SORCS3: variants seen among roughly 807,000 people sequenced by gnomAD.
SORCS3 encodes VPS10 domain-containing receptor SorCS3.
Under a neutral mutation model 146.3 loss-of-function variants are expected in SORCS3, and 57 were observed. The observed-to-expected ratio is 0.39, with a 90% confidence interval of 0.31 to 0.49. The LOEUF (loss-of-function observed/expected upper bound fraction) is 0.49. Ranked by LOEUF, SORCS3 falls within the 20% of genes least tolerant of loss-of-function variation. The probability of loss-of-function intolerance (pLI) is 0.92; values close to 1 mark genes in which losing one functional copy is unlikely to be tolerated. For synonymous variants in SORCS3, 653 were observed against 618.5 expected (o/e 1.06, Z -0.83); for missense variants, 1,341 against 1,575.5 (o/e 0.85, Z 2.52).
intron 2 of SORCS3, among the ~76,000 whole-genome samples, chr10:104,856,596 A>ATATGTATATT (rs1213588999): frequency 8.7e-5 from 2 of 23,010 alleles, no homozygotes; most frequent in Admixed American, 7.2e-4. Flanking sequence ...AAATATATAC[A>ATATGTATATT]TATAAATGTA....
intron 4 of SORCS3, among the ~76,000 whole-genome samples, chr10:105,041,810 T>C (rs1463828994): frequency 6.6e-6 from 1 of 152,144 alleles, no homozygotes; most frequent in Non-Finnish European, 1.5e-5. Context: ...CACAGGAATA[T>C]ACTTCATGTG....
At chr10:105,176,791 G>T (rs1421894979) in intron 13 of SORCS3, among the ~76,000 whole-genome samples, 1 of 152,006 alleles carries the variant, frequency 6.6e-6, no homozygotes. Flanking sequence ...GGAGGCGGAG[G>T]TTGCAGTGAG....
At position 105,262,450 on chromosome 10, in the gene SORCS3, C is replaced by T. The variant is rs1463577482; in HGVS notation, c.3563C>T (p.Pro1188Leu). The change falls in exon 26 of 27, where the codon CCT becomes CTT. Residue 1188 changes from proline (P) to leucine (L), a missense_variant. Physicochemically the swap from Pro to Leu is moderately conservative, Grantham distance 98 (BLOSUM62 -3). Coordinates refer to ENST00000369701, the MANE Select transcript of SORCS3 (RefSeq NM_014978.3). ...PKITLSDFTE[P>L]EELLDKELDT... ...ATCACACTCAGTGACTTTACGGAGC[C>T]TGAGGAGCTGCTGGACAAAGAGCTG... 1.9e-6 allele frequency: 3 copies of T among 1,613,924 alleles called. No homozygotes were observed. The highest frequency in any genetic ancestry group is 2.2e-5 in the South Asian group (2 of 91,076).
intron 1 of SORCS3, among the ~76,000 whole-genome samples, chr10:104,793,501 G>A (rs1160096127): frequency 6.6e-6 from 1 of 152,122 alleles, no homozygotes; most frequent in Non-Finnish European, 1.5e-5. Context: ...TGAGGTCTGT[G>A]GTATTACAAT....
chr10:104,990,084 C>G (rs2054984534), intron 4 of SORCS3, among the ~76,000 whole-genome samples: 1 of 152,190 alleles, frequency 6.6e-6, no homozygotes, highest in Non-Finnish European at 1.5e-5. Flanking sequence ...AGGGCTTTCT[C>G]TGAGGCCTCT....
rs556379789 is a variant in SORCS3 at position 105,239,522 on chromosome 10, T to C, written c.2869-6020T>C. On this transcript the variant is annotated intron_variant, in intron 20 of 26. Coordinates refer to ENST00000369701, the MANE Select transcript of SORCS3 (RefSeq NM_014978.3). ...ATAGTCACACAGAGCTTTGTCGATT[T>C]CTTGCTGGGCTCAGTGGATAATATG... Among the ~76,000 whole-genome samples, 5 of 152,336 alleles carry C rather than the reference T, an allele frequency of 3.3e-5. No individual in the cohort carries two copies. In the East Asian group the frequency reaches 9.6e-4, roughly 29 times the overall value.
intron 14 of SORCS3, among the ~76,000 whole-genome samples, chr10:105,199,541 A>ACATATACTT (rs1046619512): frequency 6.6e-6 from 1 of 152,148 alleles, no homozygotes; most frequent in Non-Finnish European, 1.5e-5. Flanking sequence ...CTACCCCAAC[A>ACATATACTT]CATATACTTA....
chr10:105,029,088 A>G (rs35478707), intron 4 of SORCS3, among the ~76,000 whole-genome samples: 22,440 of 152,150 alleles, frequency 0.15, 1,833 homozygotes, highest in Middle Eastern at 0.2. Flanking sequence ...AAGGCTACTC[A>G]ACCCTGCCTC....
intron 2 of SORCS3, among the ~76,000 whole-genome samples, chr10:104,880,728 C>T (rs1422863602): frequency 6.6e-6 from 1 of 152,144 alleles, no homozygotes; most frequent in East Asian, 1.9e-4. Context: ...ATTAGAAACC[C>T]TGCTTTCCCT....
chr10:104,825,685 A>G (rs1413560544), intron 1 of SORCS3, among the ~76,000 whole-genome samples: 1 of 152,152 alleles, frequency 6.6e-6, no homozygotes, highest in African/African-American at 2.4e-5. Context: ...GTGAGATGTT[A>G]TTATGGGATA....
intron 3 of SORCS3, among the ~76,000 whole-genome samples, chr10:104,925,656 A>G (rs139296522): frequency 2.6e-5 from 4 of 152,186 alleles, no homozygotes; most frequent in Non-Finnish European, 4.4e-5. Flanking sequence ...CTTGAATGTT[A>G]TTATTGAAGG....
chr10:104,693,767 C>A, intron 1 of SORCS3, among the ~76,000 whole-genome samples: 1 of 152,046 alleles, frequency 6.6e-6, no homozygotes, highest in East Asian at 1.9e-4. Flanking sequence ...TGCTGTCAGT[C>A]CCTAGGTTGG....
At chr10:105,182,025 T>C (rs2056445471) in intron 14 of SORCS3, among the ~76,000 whole-genome samples, 1 of 152,096 alleles carries the variant, frequency 6.6e-6, no homozygotes, top group Admixed American at 6.6e-5. Flanking sequence ...CAATTGGCTA[T>C]GATTTAGCTA....
At chr10:104,717,895 C>T (rs1476613407) in intron 1 of SORCS3, among the ~76,000 whole-genome samples, 2 of 151,812 alleles carry the variant, frequency 1.3e-5, no homozygotes, top group East Asian at 3.9e-4. Context: ...AATCCCAGCA[C>T]TTTGAGAGGC....
intron 4 of SORCS3, among the ~76,000 whole-genome samples, chr10:104,989,733 G>A (rs55730801): frequency 6.6e-6 from 1 of 152,124 alleles, no homozygotes; most frequent in Non-Finnish European, 1.5e-5. Context: ...CCCGAACTGA[G>A]GCCAGAGAGC....
chr10:105,227,678 C>T (rs955342411), intron 20 of SORCS3, among the ~76,000 whole-genome samples: 2 of 152,112 alleles, frequency 1.3e-5, no homozygotes, highest in East Asian at 1.9e-4. Flanking sequence ...GATTCCATCT[C>T]TCCCTTTAGA....
intron 1 of SORCS3, among the ~76,000 whole-genome samples, chr10:104,693,509 T>A (rs1297987074): frequency 2.6e-5 from 4 of 152,232 alleles, no homozygotes; most frequent in Non-Finnish European, 5.9e-5. Flanking sequence ...TCATTCTGAC[T>A]TTTCCTGCTG....
intron 1 of SORCS3, among the ~76,000 whole-genome samples, chr10:104,655,912 G>A (rs541967153): frequency 6.6e-6 from 1 of 152,316 alleles, no homozygotes; most frequent in South Asian, 2.1e-4. Context: ...AGAACCATGA[G>A]CCAATTAAAC....
chr10:104,905,798 C>A (rs1189171272), intron 2 of SORCS3, among the ~76,000 whole-genome samples: 1 of 152,140 alleles, frequency 6.6e-6, no homozygotes, highest in African/African-American at 2.4e-5. Context: ...GAGGCTCCGT[C>A]GGGGAGGATG....
Sources: gnomAD v4.1 joint callset for allele counts (sites outside exome capture counted in the v4.1 genomes callset) on GRCh38, gnomAD v4.1.1 for gene constraint, MANE v1.5 for transcripts, NCBI Gene and HGNC (gene_info 2026-07-23, HGNC 2026-07-21) for gene names.